The following SLC6A17 variants were observed in gnomAD, a reference collection of about 807,000 sequenced individuals.
SLC6A17 encodes the protein sodium-dependent neutral amino acid transporter SLC6A17.
SLC6A17 carries 21 observed loss-of-function variants against 64.5 expected under a neutral mutation model. That is an observed-to-expected ratio of 0.33 (90% confidence interval 0.23 to 0.47). SLC6A17 has a LOEUF of 0.47. SLC6A17 is among the 20% of genes least tolerant of loss of function. The pLI is 1.00. For synonymous variants in SLC6A17, 372 were observed against 399.5 expected (o/e 0.93, Z 0.82); for missense variants, 682 against 963.2 (o/e 0.71, Z 3.86).
chr1:110,198,451 C>T lies in SLC6A17; in HGVS notation c.*7C>T. 1 of 1,594,604 alleles carries T rather than the reference C, an allele frequency of 6.3e-7. No homozygotes were observed. Among genetic ancestry groups the T allele is most frequent in the Non-Finnish European group, 8.6e-7 (1 of 1,169,496 alleles). On this transcript the variant is annotated 3_prime_UTR_variant, in exon 12 of 12. Coordinates refer to ENST00000331565, the MANE Select transcript of SLC6A17 (RefSeq NM_001010898.4). ...CCCTGAGTCGGAGCTGTGACCACTG[C>T]CCAAGCCCTGCCCGCCTCTCCCCCC...
rs895774685 is a variant in SLC6A17, at chr1:110,200,462, C to T, written c.*2018C>T. The T allele has an allele frequency of 1.4e-5, 3 of 217,050 alleles. No individual in the cohort carries two copies. Among genetic ancestry groups the T allele is most frequent in the African/African-American group, 6.8e-5 (3 of 44,042 alleles). 13.4% of individuals were successfully genotyped at this position (217,050 alleles called of 1,614,324 possible). ...AAAGCAGAGCCCCAGGAGAGACACTCTACTATATATACTCTTCTATATATT... is the reference window on the plus strand; with the variant it reads ...AAAGCAGAGCCCCAGGAGAGACACTTTACTATATATACTCTTCTATATATT... On this transcript the variant is annotated 3_prime_UTR_variant, in exon 12 of 12. Coordinates refer to ENST00000331565, the MANE Select transcript of SLC6A17 (RefSeq NM_001010898.4).
At chr1:110,187,057 T>G (rs1284089246) in intron 6 of SLC6A17, among the ~76,000 whole-genome samples, 1 of 152,008 alleles carries the variant, frequency 6.6e-6, no homozygotes, top group East Asian at 1.9e-4. Flanking sequence ...TAGAAGACAG[T>G]GGGGAACCAT....
chr1:110,154,449 C>T (rs1051932710), intron 1 of SLC6A17, among the ~76,000 whole-genome samples: 3 of 152,070 alleles, frequency 2.0e-5, no homozygotes, highest in African/African-American at 7.2e-5. Flanking sequence ...AAGTTAGTGC[C>T]CCGGGAAAAG....
intron 2 of SLC6A17, among the ~76,000 whole-genome samples, chr1:110,168,582 TTGATG>T (rs1395301635): frequency 6.6e-6 from 1 of 152,166 alleles, no homozygotes; most frequent in African/African-American, 2.4e-5. Context: ...GGTAACTGAG[TTGATG>T]TAAGACTAGC....
intron 8 of SLC6A17, among the ~76,000 whole-genome samples, chr1:110,193,842 A>C (rs1656890941): frequency 6.6e-6 from 1 of 152,200 alleles, no homozygotes; most frequent in South Asian, 2.1e-4. Flanking sequence ...TTTTCATACA[A>C]TACAACTCCG....
chr1:110,202,027 G>C lies in SLC6A17; in HGVS notation c.*3583G>C, dbSNP rs1266633057. The C allele has an allele frequency of 2.0e-5, 3 of 152,132 alleles. No individual in the cohort carries two copies. The highest frequency in any genetic ancestry group is 4.1e-4 in the South Asian group (2 of 4,826). 9.4% of individuals were successfully genotyped at this position (152,132 alleles called of 1,614,324 possible). ...CAGACCCAAGCATACACACCAGGCCGTCACTTTGGGTTCTGGCATAAGTTC... is the reference window on the plus strand; with the variant it reads ...CAGACCCAAGCATACACACCAGGCCCTCACTTTGGGTTCTGGCATAAGTTC... On this transcript the variant is annotated 3_prime_UTR_variant, in exon 12 of 12. Transcript: ENST00000331565.
Position 110,192,715 on chromosome 1 carries a change from C to A in SLC6A17, c.1299+17C>A. On this transcript the variant is annotated intron_variant, in intron 8 of 11. Coordinates refer to ENST00000331565, the MANE Select transcript of SLC6A17 (RefSeq NM_001010898.4). This position sits in a 1 kb window ranked among gnomAD's most constrained non-coding sequence, Gnocchi z 4.3. Reference sequence around the variant, plus strand: ...CTGGACAAGGTGCGGGGACAGGCTGCCCTTCCCAGGACAGGCAGGAACCCA... The same window carrying A: ...CTGGACAAGGTGCGGGGACAGGCTGACCTTCCCAGGACAGGCAGGAACCCA... 2 of 1,605,664 alleles carry A rather than the reference C, an allele frequency of 1.2e-6. No individual in the cohort carries two copies. Among genetic ancestry groups the A allele is most frequent in the Non-Finnish European group, 1.7e-6 (2 of 1,174,870 alleles).
In SLC6A17 at chr1:110,200,771, C is replaced by T. The variant is rs1369774247; in HGVS notation, c.*2327C>T. ...TGTGTTAGACGTAGGGCCTAGAGCT[C>T]GGGGTGTGTGTGTGCGTGCTGTGTG... is the stretch of plus-strand genomic sequence containing the variant. On this transcript the variant is annotated 3_prime_UTR_variant, in exon 12 of 12. Transcript: ENST00000331565. 2 of 152,426 alleles carry T rather than the reference C, an allele frequency of 1.3e-5. No individual in the cohort carries two copies. The highest frequency in any genetic ancestry group is 1.9e-4 in the East Asian group (1 of 5,178). 9.4% of individuals were successfully genotyped at this position (152,426 alleles called of 1,614,324 possible). A position where few individuals can be genotyped will look rare whatever the true frequency, so the allele number is the denominator to read the frequency against.
intron 1 of SLC6A17, among the ~76,000 whole-genome samples, chr1:110,155,410 C>A (rs1260367634): frequency 6.6e-6 from 1 of 152,162 alleles, no homozygotes; most frequent in Non-Finnish European, 1.5e-5. Context: ...ATATGAATTA[C>A]TGTATACACT....
chr1:110,168,079 C>T (rs888789000), intron 2 of SLC6A17: 10 of 152,208 alleles, frequency 6.6e-5, no homozygotes, highest in African/African-American at 2.4e-4. Flanking sequence ...TTCCCTGAAA[C>T]CAGAGATCAA....
chr1:110,170,854 T>TGTG (rs1408317610), intron 2 of SLC6A17, among the ~76,000 whole-genome samples: 4 of 151,954 alleles, frequency 2.6e-5, no homozygotes, highest in Admixed American at 1.3e-4. Flanking sequence ...GTGGTGTGTG[T>TGTG]GTGTGTGTGT....
chr1:110,196,582 G>T (rs879360992), intron 10 of SLC6A17, among the ~76,000 whole-genome samples: 3 of 152,138 alleles, frequency 2.0e-5, no homozygotes, highest in Non-Finnish European at 4.4e-5. Flanking sequence ...GGACTCCTTC[G>T]GCAGTCTGGT....
Position 110,201,634 on chromosome 1 carries a change from T to C in SLC6A17, c.*3190T>C, listed in dbSNP as rs1364772276. The stretch of plus-strand genomic sequence containing the variant: ...GAGGTCAGCTTCTGCCCTCCAGCAA[T>C]ACATGTGCAGGGGTTGCTGCTTTCC... On this transcript the variant is annotated 3_prime_UTR_variant, in exon 12 of 12. Coordinates refer to ENST00000331565, the MANE Select transcript of SLC6A17 (RefSeq NM_001010898.4). 6.6e-6 allele frequency: 1 copy of C among 152,134 alleles called. No homozygotes were observed. The highest frequency in any genetic ancestry group is 2.4e-5 in the African/African-American group (1 of 41,378). The allele number at this position is 152,134 out of a possible 1,614,324, so 9.4% of individuals were successfully genotyped here. A position where few individuals can be genotyped will look rare whatever the true frequency, so the allele number is the denominator to read the frequency against.
chr1:110,183,367 A>G (rs751187539), intron 6 of SLC6A17, among the ~76,000 whole-genome samples: 1 of 152,242 alleles, frequency 6.6e-6, no homozygotes, highest in Non-Finnish European at 1.5e-5. Context: ...AGCCAAACAC[A>G]AAAGACCACA....
intron 11 of SLC6A17, 53 bp downstream of exon 11, chr1:110,197,652 A>G (rs1185382872): frequency 6.6e-7 from 1 of 1,513,870 alleles, no homozygotes; most frequent in African/African-American, 1.4e-5. Context: ...TCAGGCCTTG[A>G]ATGCAACCAC....
intron 1 of SLC6A17, among the ~76,000 whole-genome samples, chr1:110,153,750 G>A (rs1655675421): frequency 6.6e-6 from 1 of 152,138 alleles, no homozygotes; most frequent in Non-Finnish European, 1.5e-5. Context: ...CTTTAAAGCT[G>A]CTAAGATAAG....
chr1:110,156,186 G>T (rs1655756296), intron 1 of SLC6A17, among the ~76,000 whole-genome samples: 1 of 152,184 alleles, frequency 6.6e-6, no homozygotes, highest in South Asian at 2.1e-4. Flanking sequence ...TCCTTGACCA[G>T]TTCCCCAAAT....
intron 6 of SLC6A17, among the ~76,000 whole-genome samples, chr1:110,182,608 C>T (rs567168856): frequency 8.3e-5 from 11 of 131,892 alleles, no homozygotes; most frequent in Non-Finnish European, 1.0e-4. Flanking sequence ...GCGGGGAGGT[C>T]GAAGAATAGG....
chr1:110,176,409 C>T (rs1193106196), intron 5 of SLC6A17, among the ~76,000 whole-genome samples: 1 of 152,166 alleles, frequency 6.6e-6, no homozygotes, highest in South Asian at 2.1e-4. Flanking sequence ...AGAAAACCAA[C>T]CCCGGGCACA....
Sources: allele counts gnomAD v4.1 joint callset (sites outside exome capture counted in the v4.1 genomes callset), GRCh38; gene constraint gnomAD v4.1.1; non-coding constraint Gnocchi (gnomAD v3.1); transcripts MANE v1.5; gene names NCBI Gene and HGNC (gene_info 2026-07-23, HGNC 2026-07-21).